DNAJA1: variants seen among roughly 807,000 people sequenced by gnomAD.
DNAJA1 encodes the protein dnaJ homolog subfamily A member 1.
Under a neutral mutation model 47.6 loss-of-function variants are expected in DNAJA1, and 26 were observed. That is an observed-to-expected ratio of 0.55 (90% CI 0.40 to 0.76). The LOEUF is 0.76. Among genes scored for constraint, DNAJA1 ranks in the 30% least tolerant of loss-of-function variants. The pLI is 0.00. For synonymous variants in DNAJA1, 165 were observed against 158.4 expected (o/e 1.04, Z -0.31); for missense variants, 315 against 485.0 (o/e 0.65, Z 3.29).
chr9:33,030,111 T>C, intron 4 of DNAJA1, 122 bp downstream of exon 4: 2 of 955,500 alleles, frequency 2.1e-6, no homozygotes, highest in African/African-American at 1.7e-5. Context: ...ACCTAGATTT[T>C]GGGGGAGGAG....
rs1335694585 is a variant in DNAJA1 at position 33,039,528 on chromosome 9, G to T, written c.*625G>T. Reference sequence around the variant, plus strand: ...TTCCAGAATTGTGTTTCCTTCTGCTGTGCCATTCATATATATATACATATA... The same window carrying T: ...TTCCAGAATTGTGTTTCCTTCTGCTTTGCCATTCATATATATATACATATA... On this transcript the variant is annotated 3_prime_UTR_variant, in exon 9 of 9. Transcript: ENST00000330899. 1.8e-5 allele frequency: 2 copies of T among 109,826 alleles called. No homozygotes were observed. The highest frequency in any genetic ancestry group is 6.4e-5 in the African/African-American group (2 of 31,310). The allele number at this position is 109,826 out of a possible 1,614,324, so 6.8% of individuals were successfully genotyped here. A position where few individuals can be genotyped will look rare whatever the true frequency, so the allele number is the denominator to read the frequency against.
At chr9:33,035,056 T>TTTA (rs1554678843) in intron 6 of DNAJA1, among the ~76,000 whole-genome samples, 9,625 of 148,198 alleles carry the variant, frequency 0.065, 464 homozygotes, top group Non-Finnish European at 0.1. Flanking sequence ...TTTTTTTTTT[T>TTTA]AATGGAGTGG....
At chr9:33,025,700 G>A (rs969432513) in intron 1 of DNAJA1, among the ~76,000 whole-genome samples, 1 of 43,994 alleles carries the variant, frequency 2.3e-5, no homozygotes, top group East Asian at 3.7e-4. Flanking sequence ...GCTCGGGGTG[G>A]GGGGGGGGAG....
At chr9:33,026,438 G>GT (rs1838853651) in intron 1 of DNAJA1, 37 bp from the exon 2 acceptor site, 12 of 1,584,946 alleles carry the variant, frequency 7.6e-6, no homozygotes, top group Non-Finnish European at 1.0e-5. Flanking sequence ...AAAGCTACCA[G>GT]TTGAAAGCCG....
chr9:33,037,685 A>G (rs1839057570), intron 8 of DNAJA1, among the ~76,000 whole-genome samples: 1 of 152,118 alleles, frequency 6.6e-6, no homozygotes, highest in Non-Finnish European at 1.5e-5. Context: ...CTGTCTCAAA[A>G]AAAGAAAAAA....
chr9:33,028,609 A>G (rs1360082997), intron 3 of DNAJA1, among the ~76,000 whole-genome samples: 1 of 152,230 alleles, frequency 6.6e-6, no homozygotes, highest in Non-Finnish European at 1.5e-5. Context: ...TGCTTAGTAA[A>G]TTGTTAGAAT....
chr9:33,035,362 CA>C (rs200754591), intron 6 of DNAJA1, among the ~76,000 whole-genome samples: 5 of 149,010 alleles, frequency 3.4e-5, no homozygotes, highest in Admixed American at 6.7e-5. Context: ...AACTTGGTCT[CA>C]AAAAAAAAGA....
intron 5 of DNAJA1, among the ~76,000 whole-genome samples, 192 bp downstream of exon 5, chr9:33,030,859 CA>C (rs1322097470): frequency 6.6e-6 from 1 of 152,132 alleles, no homozygotes; most frequent in Non-Finnish European, 1.5e-5. Context: ...ATTACTAATA[CA>C]GAATATATTA....
At chr9:33,033,213 C>T (rs554237173) in intron 5 of DNAJA1, among the ~76,000 whole-genome samples, 22 of 150,524 alleles carry the variant, frequency 1.5e-4, no homozygotes, top group African/African-American at 4.9e-4. Context: ...GAAAATACTC[C>T]TCCCCTTGTA....
chr9:33,029,956 C>G lies in DNAJA1; in HGVS notation c.382C>G (p.Leu128Val). Residue 128 changes from leucine (L) to valine (V), a missense_variant, in exon 4 of 9, where the codon CTG becomes GTG. Leu to Val is a conservative substitution (Grantham distance 32). Transcript: ENST00000330899. ...LYNGATRKLA[L>V]QKNVICDKCE... is the part of the protein sequence containing the mutation. ...TAATGGTGCAACAAGAAAACTGGCTCTGCAAAAGAATGTGATTTGTGACAA... is the reference window on the plus strand; with the variant it reads ...TAATGGTGCAACAAGAAAACTGGCTGTGCAAAAGAATGTGATTTGTGACAA... 6.2e-7 allele frequency: 1 copy of G among 1,613,516 alleles called. No homozygotes were observed. Among genetic ancestry groups the G allele is most frequent in the South Asian group, 1.1e-5 (1 of 90,998 alleles).
chr9:33,031,401 G>A (rs1838959415), intron 5 of DNAJA1, among the ~76,000 whole-genome samples: 1 of 152,020 alleles, frequency 6.6e-6, no homozygotes, highest in Admixed American at 6.6e-5. Flanking sequence ...CCCGCCTCAT[G>A]TTTATTTTTT....
Position 33,037,104 on chromosome 9 carries a change from A to G in DNAJA1, c.964A>G (p.Ile322Val), listed in dbSNP as rs765919247. Residue 322 changes from isoleucine (I) to valine (V), a missense_variant, in exon 8 of 9, where the codon ATC becomes GTC. Ile to Val is a conservative substitution (Grantham distance 29, BLOSUM62 3). Transcript: ENST00000330899. Reference sequence around the variant, plus strand: ...ACCATATGAAAAGGGTCGCCTAATCATCGAATTTAAGGTAAGCTGTAATGT... The same window carrying G: ...ACCATATGAAAAGGGTCGCCTAATCGTCGAATTTAAGGTAAGCTGTAATGT... Reference protein sequence around the residue: ...RRPYEKGRLIIEFKVNFPENG... With the variant: ...RRPYEKGRLIVEFKVNFPENG... 5 of 1,613,942 alleles carry G rather than the reference A, an allele frequency of 3.1e-6. No individual in the cohort carries two copies. The highest frequency in any genetic ancestry group is 3.4e-6 in the Non-Finnish European group (4 of 1,179,886).
intron 6 of DNAJA1, 27 bp downstream of exon 6, chr9:33,034,357 T>C (rs747742891): frequency 5.1e-6 from 8 of 1,554,656 alleles, no homozygotes; most frequent in South Asian, 4.7e-5. Context: ...ACCACTCAAA[T>C]TGATATCACA....
chr9:33,028,391 G>C (rs1221882096), intron 3 of DNAJA1, among the ~76,000 whole-genome samples: 1 of 152,180 alleles, frequency 6.6e-6, no homozygotes, highest in Non-Finnish European at 1.5e-5. Context: ...TTTATTTCCA[G>C]TATAGTGTAT....
At chr9:33,038,631 C>A in intron 8 of DNAJA1, 54 bp from the exon 9 acceptor site, 1 of 1,537,640 alleles carries the variant, frequency 6.5e-7, no homozygotes, top group Non-Finnish European at 8.9e-7. Context: ...GTCCATGATA[C>A]TCTAAGGGAG....
intron 3 of DNAJA1, among the ~76,000 whole-genome samples, chr9:33,028,544 G>C (rs1838910572): frequency 1.3e-5 from 2 of 152,302 alleles, no homozygotes; most frequent in East Asian, 3.9e-4. Context: ...AAAGGATTAT[G>C]TTTTTATTAA....
In DNAJA1 at chr9:33,038,962, G is replaced by T. The variant is rs1466245286; in HGVS notation, c.*59G>T. ...AATGTGCAGTAGTGAATGAGTGAAG[G>T]ACTGTAATCATAATATGCTCACTAC... On this transcript the variant is annotated 3_prime_UTR_variant, in exon 9 of 9. Transcript: ENST00000330899. 1 of 1,432,412 alleles carries T rather than the reference G, an allele frequency of 7.0e-7. No individual in the cohort carries two copies. The allele number at this position is 1,432,412 out of a possible 1,614,324, so 88.7% of individuals were successfully genotyped here.
intron 3 of DNAJA1, among the ~76,000 whole-genome samples, chr9:33,028,062 T>C (rs1244675121): frequency 7.0e-6 from 1 of 143,164 alleles, no homozygotes; most frequent in Non-Finnish European, 1.5e-5. Flanking sequence ...ACAAAGTATA[T>C]AGCAATATAA....
chr9:33,027,025 A>G, intron 3 of DNAJA1, 35 bp downstream of exon 3: 1 of 1,612,894 alleles, frequency 6.2e-7, no homozygotes, highest in Non-Finnish European at 8.5e-7. Context: ...AGCTAACTAA[A>G]GTTAGCTGTT....
Sources: gnomAD v4.1 joint callset for allele counts (sites outside exome capture counted in the v4.1 genomes callset) on GRCh38, gnomAD v4.1.1 for gene constraint, MANE v1.5 for transcripts, NCBI Gene and HGNC (gene_info 2026-07-23, HGNC 2026-07-21) for gene names.